Variants in PANK2 observed in about 807,000 individuals in gnomAD.
PANK2 encodes the protein pantothenate kinase 2, mitochondrial.
In PANK2, 36 loss-of-function variants were observed where a neutral mutation model predicts 43.1. The observed-to-expected ratio is 0.84, with a 90% confidence interval of 0.64 to 1.10. PANK2 has a LOEUF of 1.10. Ranked by LOEUF, PANK2 falls within the 50% of genes least tolerant of loss-of-function variation. The pLI, the probability that PANK2 is intolerant of heterozygous loss-of-function variation, is 0.00. For missense variants in PANK2, 576 were observed against 593.3 expected, an observed-to-expected ratio of 0.97 and a Z score of 0.30; for synonymous variants, 281 against 238.2, an observed-to-expected ratio of 1.18 and a Z score of -1.66.
Position 3,918,673 on chromosome 20 carries a change from C to T in PANK2, c.1209C>T (p.Asn403=). 6.2e-7 allele frequency: 1 copy of T among 1,614,182 alleles called. No individual in the cohort carries two copies. Among genetic ancestry groups the T allele is most frequent in the Non-Finnish European group, 8.5e-7 (1 of 1,180,018 alleles). The change falls in exon 6 of 7, where the codon AAC becomes AAT. Residue 403 remains asparagine, a splice_region_variant and synonymous_variant. Coordinates refer to ENST00000610179, the MANE Select transcript of PANK2 (RefSeq NM_001386393.1). ...TTGCCTTTTTTTGGTGTGCTCAGAACATTAACCAGGTGGTATTTGTTGGAA... is the reference window on the plus strand; with the variant it reads ...TTGCCTTTTTTTGGTGTGCTCAGAATATTAACCAGGTGGTATTTGTTGGAA...
chr20:3,906,658 TAAAA>T (rs533056068), intron 1 of PANK2, among the ~76,000 whole-genome samples: 1 of 151,524 alleles, frequency 6.6e-6, no homozygotes, highest in Non-Finnish European at 1.5e-5. Flanking sequence ...GTACTAAAAA[TAAAA>T]AAAACAATAA....
Position 3,910,832 on chromosome 20 carries a change from T to A in PANK2, c.905+2T>A. ...TTACAAACGGGTCACAGGTACTAGG[T>A]AAGTTGTATATAAAACTCACTGTTT... On this transcript the variant is annotated splice_donor_variant, in intron 3 of 6. Transcript: ENST00000610179. LOFTEE classifies it high-confidence loss of function. 1.9e-6 allele frequency: 3 copies of A among 1,614,072 alleles called. No homozygotes were observed. Among genetic ancestry groups the A allele is most frequent in the Non-Finnish European group, 2.5e-6 (3 of 1,179,954 alleles).
chr20:3,903,631 A>AT (rs534545148), intron 1 of PANK2, among the ~76,000 whole-genome samples: 17,411 of 133,434 alleles, frequency 0.13, 1,385 homozygotes, highest in Non-Finnish European at 0.19. Flanking sequence ...CGCCCAGCTA[A>AT]TTTTTTTTTT....
chr20:3,925,816 C>T lies in PANK2; in HGVS notation c.*2522C>T, dbSNP rs908736468. On this transcript the variant is annotated 3_prime_UTR_variant, in exon 7 of 7. Transcript: ENST00000610179. Reference sequence around the variant, plus strand: ...CTCCAGCCCCGAGACACTGCCTTCTCTCTGCATTTGTTGATCTCTGTGCAG... The same window carrying T: ...CTCCAGCCCCGAGACACTGCCTTCTTTCTGCATTTGTTGATCTCTGTGCAG... 6 of 152,444 alleles carry T rather than the reference C, an allele frequency of 3.9e-5. No homozygotes were observed. The East Asian group carries it at 1.2e-3, about 29-fold the overall frequency. 9.4% of individuals were successfully genotyped at this position (152,444 alleles called of 1,614,324 possible). A position where few individuals can be genotyped will look rare whatever the true frequency, so the allele number is the denominator to read the frequency against.
Position 3,929,466 on chromosome 20 carries a change from A to C in PANK2, c.*6172A>C, listed in dbSNP as rs1354895288. 1 of 152,270 alleles carries C rather than the reference A, an allele frequency of 6.6e-6. No homozygotes were observed. The highest frequency in any genetic ancestry group is 1.5e-5 in the Non-Finnish European group (1 of 68,068). The allele number at this position is 152,270 out of a possible 1,614,324, so 9.4% of individuals were successfully genotyped here. ...ACGCTGGACATTCAGGCATATCCAC[A>C]TGAGACTCACTGTGCACTTGCTCAG... On this transcript the variant is annotated 3_prime_UTR_variant, in exon 7 of 7. Transcript: ENST00000610179.
At chr20:3,906,464 A>G (rs2146855331) in intron 1 of PANK2, among the ~76,000 whole-genome samples, 1 of 152,232 alleles carries the variant, frequency 6.6e-6, no homozygotes, top group South Asian at 2.1e-4. Flanking sequence ...AATGCATTTA[A>G]TATACCCAGC....
At position 3,916,893 on chromosome 20, in the gene PANK2, G is replaced by C. The variant is rs757371142; in HGVS notation, c.1083-34G>C. On this transcript the variant is annotated intron_variant, in intron 4 of 6. Coordinates refer to ENST00000610179, the MANE Select transcript of PANK2 (RefSeq NM_001386393.1). ...GTTCTGTTGGGCTTTGTTGCTGTTG[G>C]TTTAGCAATGGGATTTTTTTTCCCC... The C allele has an allele frequency of 6.2e-6, 10 of 1,610,984 alleles. No homozygotes were observed. The South Asian group carries it at 8.8e-5, about 14-fold the overall frequency.
chr20:3,908,009 G>A lies in PANK2; in HGVS notation c.382G>A (p.Glu128Lys). The A allele has an allele frequency of 6.2e-7, 1 of 1,614,154 alleles. No individual in the cohort carries two copies. Among genetic ancestry groups the A allele is most frequent in the Non-Finnish European group, 8.5e-7 (1 of 1,180,036 alleles). ...ACCCAAAGACATCACTGCTGAAGAA[G>A]AAGAGGAAGAAGTGGAAAGTCTTAA... Residue 128 changes from glutamate (E) to lysine (K), a missense_variant, in exon 2 of 7, where the codon GAA (glutamate) becomes AAA (lysine). Physicochemically the swap from Glu to Lys is moderately conservative, Grantham distance 56. Transcript: ENST00000610179.
In PANK2 at chr20:3,929,846, A is replaced by C. The variant is rs1257329648; in HGVS notation, c.*6552A>C. ...ATTCTGATTTGTACAGAAAACTAAA[A>C]TTTCAGTATGTTGCAATAAAATGAA... is the stretch of plus-strand genomic sequence containing the variant. On this transcript the variant is annotated 3_prime_UTR_variant, in exon 7 of 7. Coordinates refer to ENST00000610179, the MANE Select transcript of PANK2 (RefSeq NM_001386393.1). 15 of 152,212 alleles carry C rather than the reference A, an allele frequency of 9.9e-5. No homozygotes were observed. Among genetic ancestry groups the C allele is most frequent in the Admixed American group, 9.2e-4 (14 of 15,286 alleles). 9.4% of individuals were successfully genotyped at this position (152,212 alleles called of 1,614,324 possible). A position where few individuals can be genotyped will look rare whatever the true frequency, so the allele number is the denominator to read the frequency against.
intron 1 of PANK2, among the ~76,000 whole-genome samples, chr20:3,897,908 G>A (rs1265321016): frequency 6.6e-6 from 1 of 152,130 alleles, no homozygotes; most frequent in African/African-American, 2.4e-5. Context: ...GGGAGGCTGA[G>A]GCAGGAGAAT....
chr20:3,889,789 C>T (rs1478574777), intron 1 of PANK2, 61 bp downstream of exon 1: 23 of 1,514,968 alleles, frequency 1.5e-5, no homozygotes, highest in Non-Finnish European at 2.0e-5. Flanking sequence ...CCCACCCTGT[C>T]CCCTTCCGGC....
chr20:3,911,890 C>CAAA (rs35317201), intron 3 of PANK2, among the ~76,000 whole-genome samples: 1 of 140,614 alleles, frequency 7.1e-6, no homozygotes, highest in Admixed American at 7.1e-5. Flanking sequence ...AACTCCATCT[C>CAAA]AAAAAAAAAA....
rs1402930015 is a variant in PANK2 at position 3,929,680 on chromosome 20, C to A, written c.*6386C>A. 1.3e-5 allele frequency: 2 copies of A among 152,318 alleles called. No homozygotes were observed. The highest frequency in any genetic ancestry group is 3.8e-4 in the East Asian group (2 of 5,196). 9.4% of individuals were successfully genotyped at this position (152,318 alleles called of 1,614,324 possible). On this transcript the variant is annotated 3_prime_UTR_variant, in exon 7 of 7. Transcript: ENST00000610179. ...TGTCCAGGCACCTGCAGAGGCTGCT[C>A]AGAGCTGGGAGAGGCCTGTGCCACT...
intron 1 of PANK2, among the ~76,000 whole-genome samples, chr20:3,902,197 C>T (rs1169674478): frequency 1.3e-5 from 2 of 149,450 alleles, no homozygotes; most frequent in African/African-American, 4.9e-5. Flanking sequence ...GACAGAGTCT[C>T]AGTCTGTTAC....
intron 2 of PANK2, among the ~76,000 whole-genome samples, chr20:3,909,520 C>T (rs1032811594): frequency 4.6e-5 from 7 of 152,280 alleles, no homozygotes; most frequent in East Asian, 3.9e-4. Context: ...TGTGAGCCAC[C>T]GTTCCTGGCC....
rs1230887438 is a variant in PANK2, at chr20:3,910,832, TA to T, written c.905+4del. The T allele has an allele frequency of 1.2e-6, 2 of 1,613,954 alleles. No individual in the cohort carries two copies. The highest frequency in any genetic ancestry group is 1.7e-6 in the Non-Finnish European group (2 of 1,179,962). ...TTACAAACGGGTCACAGGTACTAGG[TA>T]AGTTGTATATAAAACTCACTGTTTA... is the stretch of plus-strand genomic sequence containing the variant. On this transcript the variant is annotated splice_donor_region_variant and intron_variant, in intron 3 of 6. Coordinates refer to ENST00000610179, the MANE Select transcript of PANK2 (RefSeq NM_001386393.1).
rs2090764798 is a variant in PANK2, at chr20:3,928,642, A to G, written c.*5348A>G. ...CGTGGTGGCGGGCACCTGTTGTCCC[A>G]GCTCCCGAGGCGGGAGAATGGCGTG... On this transcript the variant is annotated 3_prime_UTR_variant, in exon 7 of 7. Coordinates refer to ENST00000610179, the MANE Select transcript of PANK2 (RefSeq NM_001386393.1). The G allele has an allele frequency of 6.8e-6, 1 of 147,268 alleles. No individual in the cohort carries two copies. The highest frequency in any genetic ancestry group is 2.2e-4 in the South Asian group (1 of 4,502). The allele number at this position is 147,268 out of a possible 1,614,324, so 9.1% of individuals were successfully genotyped here.
At chr20:3,901,214 A>G (rs1158782983) in intron 1 of PANK2, among the ~76,000 whole-genome samples, 2 of 149,714 alleles carry the variant, frequency 1.3e-5, no homozygotes, top group African/African-American at 4.9e-5. Flanking sequence ...ACGTGATCAT[A>G]CCTAAATTTT....
intron 1 of PANK2, among the ~76,000 whole-genome samples, chr20:3,907,142 C>A (rs550834699): frequency 1.7e-5 from 2 of 119,672 alleles, no homozygotes; most frequent in East Asian, 5.2e-4. Flanking sequence ...CTCACTCTGT[C>A]GCCCAGGCTG....
Sources: allele counts gnomAD v4.1 joint callset (sites outside exome capture counted in the v4.1 genomes callset), GRCh38; gene constraint gnomAD v4.1.1; transcripts MANE v1.5; gene names NCBI Gene and HGNC (gene_info 2026-07-23, HGNC 2026-07-21).